Variants in LRP1B observed in about 807,000 individuals in gnomAD.
LRP1B encodes the protein LDL receptor related protein 1B.
Under a neutral mutation model 556.6 loss-of-function variants are expected in LRP1B, and 217 were observed. The observed-to-expected ratio is 0.39, with a 90% CI of 0.35 to 0.44. LRP1B has a LOEUF of 0.44. Ranked by LOEUF, LRP1B falls within the 20% of genes least tolerant of loss-of-function variation. The pLI is 1.00. For synonymous variants in LRP1B, 2,047 were observed against 1,865.8 expected (o/e 1.10, Z -2.50); for missense variants, 5,053 against 5,620.8 (o/e 0.90, Z 3.23).
intron 87 of LRP1B, among the ~76,000 whole-genome samples, chr2:140,240,483 T>C (rs1160392102): frequency 1.3e-5 from 2 of 150,752 alleles, no homozygotes; most frequent in African/African-American, 4.8e-5. Context: ...CAGACAATAA[T>C]AGCCCATTGC....
At chr2:141,605,148 T>C (rs1251819744) in intron 2 of LRP1B, among the ~76,000 whole-genome samples, 3 of 151,928 alleles carry the variant, frequency 2.0e-5, no homozygotes, top group African/African-American at 4.8e-5. Context: ...TTTGTGCAAA[T>C]TGGCAAACAA....
At chr2:140,953,282 T>C (rs1399728122) in intron 18 of LRP1B, among the ~76,000 whole-genome samples, 1 of 152,006 alleles carries the variant, frequency 6.6e-6, no homozygotes, top group Non-Finnish European at 1.5e-5. Context: ...GTAGAGACGG[T>C]GTTTCACCAT....
intron 1 of LRP1B, among the ~76,000 whole-genome samples, chr2:141,951,353 C>G (rs1045288846): frequency 4.6e-5 from 7 of 152,116 alleles, no homozygotes; most frequent in African/African-American, 1.7e-4. Context: ...CTCCCCAACT[C>G]CGAGTCCCCA....
At chr2:141,091,174 G>C (rs958004601) in intron 7 of LRP1B, among the ~76,000 whole-genome samples, 1 of 152,096 alleles carries the variant, frequency 6.6e-6, no homozygotes, top group African/African-American at 2.4e-5. Flanking sequence ...GATAAAGAGA[G>C]AGAGAGAGAG....
chr2:141,650,067 C>T (rs568906896), intron 2 of LRP1B, among the ~76,000 whole-genome samples: 36 of 152,228 alleles, frequency 2.4e-4, no homozygotes, highest in African/African-American at 8.7e-4. Context: ...GTAATCCCAG[C>T]TAGTTGGGGG....
chr2:141,148,654 A>C (rs56825652), intron 7 of LRP1B, among the ~76,000 whole-genome samples: 17,013 of 152,216 alleles, frequency 0.11, 1,881 homozygotes, highest in African/African-American at 0.29. Flanking sequence ...TAACGCCAAC[A>C]AGAGGAAAAG....
chr2:140,871,342 A>T (rs1050218630), intron 25 of LRP1B, among the ~76,000 whole-genome samples: 2 of 152,004 alleles, frequency 1.3e-5, no homozygotes, highest in African/African-American at 4.8e-5. Flanking sequence ...ATGCTCACAC[A>T]CATATTGATA....
At chr2:141,988,713 A>T (rs1702265838) in intron 1 of LRP1B, among the ~76,000 whole-genome samples, 1 of 152,022 alleles carries the variant, frequency 6.6e-6, no homozygotes, top group African/African-American at 2.4e-5. Context: ...TCCTTAGTTG[A>T]TGCTGCATGG....
intron 6 of LRP1B, among the ~76,000 whole-genome samples, chr2:141,199,382 C>T (rs116283343): frequency 0.013 from 1,976 of 152,174 alleles, 35 homozygotes; most frequent in African/African-American, 0.044. Flanking sequence ...TTTTAATCAA[C>T]GGCAGGTTTT....
chr2:140,703,749 A>G (rs983198946), intron 37 of LRP1B, among the ~76,000 whole-genome samples: 2 of 152,094 alleles, frequency 1.3e-5, no homozygotes, highest in East Asian at 3.9e-4. Context: ...GCTCCCACTT[A>G]TAAGTGAGAA....
At chr2:140,550,041 G>A (rs1338654783) in intron 43 of LRP1B, among the ~76,000 whole-genome samples, 3 of 151,990 alleles carry the variant, frequency 2.0e-5, no homozygotes, top group Non-Finnish European at 4.4e-5. Context: ...GATATGTGAT[G>A]TTCCCCTCCT....
At chr2:141,586,028 A>C (rs1485003137) in intron 2 of LRP1B, among the ~76,000 whole-genome samples, 1 of 152,160 alleles carries the variant, frequency 6.6e-6, no homozygotes, top group African/African-American at 2.4e-5. Flanking sequence ...AGAAGAAATA[A>C]CTTTAAAATG....
intron 3 of LRP1B, among the ~76,000 whole-genome samples, chr2:141,308,374 C>G (rs968079966): frequency 6.6e-6 from 1 of 152,132 alleles, no homozygotes; most frequent in African/African-American, 2.4e-5. Flanking sequence ...ATCTTTCATG[C>G]TCATAACAGT....
intron 41 of LRP1B, among the ~76,000 whole-genome samples, chr2:140,680,124 C>G (rs1685811087): frequency 6.6e-6 from 1 of 151,964 alleles, no homozygotes; most frequent in Non-Finnish European, 1.5e-5. Flanking sequence ...TTCCAGGGCC[C>G]ACTTAAGAGT....
intron 18 of LRP1B, among the ~76,000 whole-genome samples, chr2:140,981,389 G>T (rs1028090115): frequency 6.6e-6 from 1 of 151,686 alleles, no homozygotes; most frequent in Non-Finnish European, 1.5e-5. Flanking sequence ...CTAAATTATG[G>T]GTAAAGTTTT....
intron 3 of LRP1B, among the ~76,000 whole-genome samples, chr2:141,357,474 CTA>C (rs1199662619): frequency 1.3e-5 from 2 of 152,120 alleles, no homozygotes; most frequent in Non-Finnish European, 2.9e-5. Flanking sequence ...AAAATGCAAA[CTA>C]TTATATCAAA....
At chr2:141,433,831 T>C (rs555193147) in intron 3 of LRP1B, among the ~76,000 whole-genome samples, 1 of 151,662 alleles carries the variant, frequency 6.6e-6, no homozygotes, top group East Asian at 1.9e-4. Context: ...TTTCAGGTAC[T>C]ATGTTTTTGA....
chr2:140,285,010 CTCTG>C (rs1001906040), intron 84 of LRP1B, among the ~76,000 whole-genome samples: 9 of 144,568 alleles, frequency 6.2e-5, no homozygotes, highest in South Asian at 2.2e-4. Flanking sequence ...CTAGATATCT[CTCTG>C]TGTGTGTGTG....
chr2:140,658,427 CAATT>C (rs1183292436), intron 41 of LRP1B, among the ~76,000 whole-genome samples: 3 of 151,842 alleles, frequency 2.0e-5, no homozygotes, highest in African/African-American at 7.2e-5. Context: ...AACAGGATAA[CAATT>C]AAACAATCTT....
Sources: gnomAD v4.1 joint callset for allele counts (sites outside exome capture counted in the v4.1 genomes callset) on GRCh38, gnomAD v4.1.1 for gene constraint, MANE v1.5 for transcripts, NCBI Gene and HGNC (gene_info 2026-07-23, HGNC 2026-07-21) for gene names.